The following MCOLN2 variants were observed in gnomAD, a reference collection of about 807,000 sequenced individuals.
The protein encoded by MCOLN2 is mucolipin-2.
A neutral mutation model predicts 67.5 loss-of-function variants in MCOLN2; 57 were observed. The observed-to-expected ratio is 0.84, with a 90% CI of 0.68 to 1.05. MCOLN2 has a LOEUF of 1.05. Ranked by LOEUF, MCOLN2 falls within the 50% of genes least tolerant of loss-of-function variation. The pLI, the probability that MCOLN2 is intolerant of heterozygous loss-of-function variation, is 0.00. For missense variants in MCOLN2, 620 were observed against 678.8 expected, an observed-to-expected ratio of 0.91 and a Z score of 0.96; for synonymous variants, 246 against 233.3, an observed-to-expected ratio of 1.05 and a Z score of -0.50.
intron 1 of MCOLN2, among the ~76,000 whole-genome samples, chr1:84,995,635 C>T (rs1050000168): frequency 1.3e-5 from 2 of 152,086 alleles, no homozygotes; most frequent in Non-Finnish European, 2.9e-5. Context: ...TTAAAATTGT[C>T]TTGTTCTAGG....
Position 84,945,731 on chromosome 1 carries a change from T to C in MCOLN2, c.847+1302A>G, listed in dbSNP as rs141283474. Reference sequence around the variant, plus strand: ...ATAGGTAGCCCATGATATTTTATTTTATTTTAATTTTTTTATTTATTTTAC... The same window carrying C: ...ATAGGTAGCCCATGATATTTTATTTCATTTTAATTTTTTTATTTATTTTAC... On this transcript the variant is annotated intron_variant, in intron 7 of 13. Coordinates refer to ENST00000370608, the MANE Select transcript of MCOLN2 (RefSeq NM_153259.4). 3.7e-3 allele frequency among the ~76,000 whole-genome samples: 563 copies of C among 152,178 alleles called. 1 individual carries two copies. Among genetic ancestry groups the C allele is most frequent in the African/African-American group, 0.013 (543 of 41,542 alleles).
chr1:84,928,435 T>C (rs1306522495), intron 13 of MCOLN2, among the ~76,000 whole-genome samples: 1 of 152,190 alleles, frequency 6.6e-6, no homozygotes, highest in Non-Finnish European at 1.5e-5. Context: ...TAGGGCTGCA[T>C]GACAAAACAT....
chr1:84,987,590 A>ATCTATGTATACC (rs1650664648), intron 1 of MCOLN2, among the ~76,000 whole-genome samples: 1 of 88,400 alleles, frequency 1.1e-5, no homozygotes, highest in South Asian at 4.2e-4. Context: ...AGATATATAC[A>ATCTATGTATACC]TATGTATATA....
At chr1:84,988,296 C>T (rs1650719316) in intron 1 of MCOLN2, among the ~76,000 whole-genome samples, 1 of 152,018 alleles carries the variant, frequency 6.6e-6, no homozygotes, top group Non-Finnish European at 1.5e-5. Flanking sequence ...AAGCAATCCT[C>T]CCACCTCGGC....
At position 84,926,338 on chromosome 1, in the gene MCOLN2, C is replaced by T. The variant is rs541447453; in HGVS notation, c.*347G>A. On this transcript the variant is annotated 3_prime_UTR_variant, in exon 14 of 14. Transcript: ENST00000370608. ...ACAAATCCTTATTTGACAATAAACA[C>T]ACATATTTAATTACATGGTTAAAGA... 1.6e-4 allele frequency: 30 copies of T among 190,902 alleles called. No individual in the cohort carries two copies. The East Asian group carries it at 3.1e-3, about 20-fold the overall frequency. 11.8% of individuals were successfully genotyped at this position (190,902 alleles called of 1,614,324 possible).
In MCOLN2 at chr1:84,931,441, T is replaced by A; in HGVS notation, c.1463A>T (p.Tyr488Phe). 6.2e-7 allele frequency: 1 copy of A among 1,609,858 alleles called. No individual in the cohort carries two copies. The highest frequency in any genetic ancestry group is 2.2e-5 in the East Asian group (1 of 44,844). The part of the protein sequence containing the change: ...LVWLFSRLYL[Y>F]SFISLFIYMI... ...ATATATAAAAAGGCTGATGAAGGAA[T>A]ATAAATACAGACGACTGAACAGCCA... is the stretch of plus-strand genomic sequence containing the variant. The change falls in exon 12 of 14, where the codon TAT (tyrosine) becomes TTT (phenylalanine). Residue 488 changes from tyrosine (Y) to phenylalanine (F), a missense_variant. Physicochemically the swap from Tyr to Phe is conservative, Grantham distance 22 (BLOSUM62 3). Transcript: ENST00000370608.
Position 84,940,975 on chromosome 1 carries a change from C to T in MCOLN2, c.864G>A (p.Gln288=), listed in dbSNP as rs377570968. The T allele has an allele frequency of 4.0e-5, 64 of 1,612,010 alleles. No homozygotes were observed. The highest frequency in any genetic ancestry group is 5.3e-5 in the Non-Finnish European group (63 of 1,178,550). Residue 288 remains glutamine (Q), a synonymous_variant, in exon 8 of 14, where the codon CAG becomes CAA. Coordinates refer to ENST00000370608, the MANE Select transcript of MCOLN2 (RefSeq NM_153259.4). ...CAAATGCATCAAACACCAGGACATA[C>T]TGAGCATTTTTCTGAGCTGAGGAAT... ...NIFGSTQKNA[Q]YVLVFDAFVI...
intron 4 of MCOLN2, among the ~76,000 whole-genome samples, chr1:84,955,065 T>C (rs1648711014): frequency 6.6e-6 from 1 of 152,122 alleles, no homozygotes; most frequent in Non-Finnish European, 1.5e-5. Flanking sequence ...ACCCCCATGC[T>C]GCTGTTCTTG....
chr1:84,981,343 G>A (rs564269639), intron 1 of MCOLN2, among the ~76,000 whole-genome samples: 20 of 152,284 alleles, frequency 1.3e-4, no homozygotes, highest in African/African-American at 4.8e-4. Flanking sequence ...ATATCGAAGA[G>A]ATATCTGCAC....
intron 2 of MCOLN2, 129 bp downstream of exon 2, chr1:84,965,420 A>T: frequency 1.1e-6 from 1 of 923,512 alleles, no homozygotes; most frequent in Non-Finnish European, 1.6e-6. Context: ...TGCTCTCCAG[A>T]GTCAATATAA....
Position 84,926,718 on chromosome 1 carries a change from T to C in MCOLN2, c.1668A>G (p.Lys556=), listed in dbSNP as rs1413763454. The change falls in exon 14 of 14, where the codon AAA becomes AAG. Residue 556 remains lysine, a synonymous_variant. Coordinates refer to ENST00000370608, the MANE Select transcript of MCOLN2 (RefSeq NM_153259.4). ...TAGGTATCAAGTGATCATCACTTCTTTTCCTGTAACAGAAAGGGAAAGAAG... is the reference window on the plus strand; with the variant it reads ...TAGGTATCAAGTGATCATCACTTCTCTTCCTGTAACAGAAAGGGAAAGAAG... ...FLSCICCRRR[K]RSDDHLIPIS is the part of the protein sequence containing the mutation. 1 of 1,595,012 alleles carries C rather than the reference T, an allele frequency of 6.3e-7. No homozygotes were observed.
intron 1 of MCOLN2, among the ~76,000 whole-genome samples, chr1:84,991,782 G>A (rs1238595353): frequency 6.6e-6 from 1 of 152,072 alleles, no homozygotes; most frequent in African/African-American, 2.4e-5. Flanking sequence ...TACTTTTAAA[G>A]TGCTTCTTCT....
chr1:84,944,753 T>G (rs1260705892), intron 7 of MCOLN2, among the ~76,000 whole-genome samples: 2 of 152,134 alleles, frequency 1.3e-5, no homozygotes, highest in Admixed American at 1.3e-4. Flanking sequence ...TCACCTGCAT[T>G]TGCTTCAATA....
intron 2 of MCOLN2, among the ~76,000 whole-genome samples, chr1:84,959,626 G>T (rs1011751176): frequency 4.6e-5 from 7 of 152,102 alleles, no homozygotes; most frequent in African/African-American, 1.7e-4. Context: ...CACAGGCAGT[G>T]ACGGTAGTCA....
At chr1:84,986,940 C>T (rs1164837958) in intron 1 of MCOLN2, among the ~76,000 whole-genome samples, 1 of 152,050 alleles carries the variant, frequency 6.6e-6, no homozygotes, top group East Asian at 1.9e-4. Context: ...GGAATGTAAA[C>T]TCATACAACC....
At chr1:84,994,491 C>G (rs1246819471) in intron 1 of MCOLN2, among the ~76,000 whole-genome samples, 1 of 152,236 alleles carries the variant, frequency 6.6e-6, no homozygotes, top group African/African-American at 2.4e-5. Context: ...GCTGCAGCTT[C>G]TATATCAGCA....
chr1:84,977,399 A>C (rs2102874064), intron 1 of MCOLN2, among the ~76,000 whole-genome samples: 1 of 152,248 alleles, frequency 6.6e-6, no homozygotes, highest in Non-Finnish European at 1.5e-5. Flanking sequence ...TATCAATAAT[A>C]ACATTGATGT....
intron 1 of MCOLN2, among the ~76,000 whole-genome samples, chr1:84,981,356 T>C (rs900093389): frequency 6.6e-6 from 1 of 152,166 alleles, no homozygotes; most frequent in African/African-American, 2.4e-5. Flanking sequence ...ATCTGCACTC[T>C]CATGTTTGTT....
At position 84,931,543 on chromosome 1, in the gene MCOLN2, T is replaced by G. The variant is rs1323797283; in HGVS notation, c.1361A>C (p.Glu454Ala). 1 of 1,613,842 alleles carries G rather than the reference T, an allele frequency of 6.2e-7. No homozygotes were observed. Among genetic ancestry groups the G allele is most frequent in the Non-Finnish European group, 8.5e-7 (1 of 1,179,942 alleles). ...DKFENLNTVAECLFSLVNGDD... is the reference protein window; with the variant it reads ...DKFENLNTVAACLFSLVNGDD... ...ACCGTTGACCAGAGAAAACAGACAC[T>G]CAGCAACTGTGTTCAGATTTTCAAA... The change falls in exon 12 of 14, where the codon GAG becomes GCG. Residue 454 changes from glutamate (E) to alanine (A), a missense_variant. Transcript: ENST00000370608.
Sources: allele counts gnomAD v4.1 joint callset (sites outside exome capture counted in the v4.1 genomes callset), GRCh38; gene constraint gnomAD v4.1.1; transcripts MANE v1.5; gene names NCBI Gene and HGNC (gene_info 2026-07-23, HGNC 2026-07-21).